Variants in SLC71A2 observed in about 807,000 individuals in gnomAD.
The protein encoded by SLC71A2 is solute carrier family 71 member 2.
At chr9:94,437,921 TTTTA>T in the SLC71A2 span, among the ~76,000 whole-genome samples, 1 of 148,426 alleles carries the variant, frequency 6.7e-6, no homozygotes. Context: ...TTGGTTATAA[TTTTA>T]TTTTAGATTT....
chr9:94,424,219 T>C, the SLC71A2 span, among the ~76,000 whole-genome samples: 3 of 151,636 alleles, frequency 2.0e-5, no homozygotes, highest in African/African-American at 7.3e-5. Context: ...TGTTAACTTC[T>C]ATAGTAATAT....
At chr9:94,400,976 C>G in the SLC71A2 span, among the ~76,000 whole-genome samples, 1 of 152,184 alleles carries the variant, frequency 6.6e-6, no homozygotes, top group African/African-American at 2.4e-5. Flanking sequence ...GCCTTTCAGA[C>G]TTGCTTCTTT....
chr9:94,409,129 C>CTTTTTTTTTTT, the SLC71A2 span, among the ~76,000 whole-genome samples: 236 of 68,240 alleles, frequency 3.5e-3, 15 homozygotes, highest in African/African-American at 0.016. Context: ...GCCCGGCCTC[C>CTTTTTTTTTTT]TTTTTTTTTT....
At chr9:94,436,816 T>C in the SLC71A2 span, among the ~76,000 whole-genome samples, 5 of 152,238 alleles carry the variant, frequency 3.3e-5, no homozygotes, top group Non-Finnish European at 7.3e-5. Flanking sequence ...TAAGTTGATT[T>C]TCTCTGAAAA....
chr9:94,455,317 C>T, the SLC71A2 span, among the ~76,000 whole-genome samples: 36 of 150,552 alleles, frequency 2.4e-4, no homozygotes, highest in South Asian at 1.7e-3. Context: ...TATGTACACG[C>T]ACCACCACGC....
At chr9:94,388,486 A>G in the SLC71A2 span, among the ~76,000 whole-genome samples, 1 of 152,260 alleles carries the variant, frequency 6.6e-6, no homozygotes, top group Admixed American at 6.5e-5. Context: ...GTATATATTC[A>G]TGAAAGATTG....
the SLC71A2 span, chr9:94,445,022 C>T: frequency 6.2e-7 from 1 of 1,614,086 alleles, no homozygotes. Context: ...GCATATCTTT[C>T]TGCCAGTTAC....
At chr9:94,392,369 C>T in the SLC71A2 span, among the ~76,000 whole-genome samples, 3 of 151,370 alleles carry the variant, frequency 2.0e-5, no homozygotes, top group African/African-American at 7.3e-5. Flanking sequence ...GTGGCTCCAC[C>T]CTGACTTCTC....
At chr9:94,395,371 T>G in the SLC71A2 span, among the ~76,000 whole-genome samples, 1 of 151,976 alleles carries the variant, frequency 6.6e-6, no homozygotes, top group East Asian at 1.9e-4. Flanking sequence ...CTTGAATATT[T>G]CATTTTAAAT....
At chr9:94,455,880 A>G in the SLC71A2 span, among the ~76,000 whole-genome samples, 23 of 152,154 alleles carry the variant, frequency 1.5e-4, no homozygotes, top group African/African-American at 5.6e-4. Flanking sequence ...GAAAAAATGA[A>G]AGGTCAGTGG....
At chr9:94,391,218 AAG>A in the SLC71A2 span, among the ~76,000 whole-genome samples, 20 of 151,174 alleles carry the variant, frequency 1.3e-4, no homozygotes, top group African/African-American at 4.6e-4. Flanking sequence ...AAAAAAAAAA[AAG>A]AGGCTGAGCT....
chr9:94,450,731 C>T, the SLC71A2 span, among the ~76,000 whole-genome samples: 4 of 152,038 alleles, frequency 2.6e-5, no homozygotes, highest in African/African-American at 4.8e-5. Flanking sequence ...CCTGATGATC[C>T]GCCTGCCTTG....
At chr9:94,440,679 T>G in the SLC71A2 span, among the ~76,000 whole-genome samples, 1 of 151,910 alleles carries the variant, frequency 6.6e-6, no homozygotes, top group Non-Finnish European at 1.5e-5. Context: ...ATTTGAGAAG[T>G]TTTTTTTCTG....
At chr9:94,378,499 A>C in the SLC71A2 span, among the ~76,000 whole-genome samples, 1 of 151,846 alleles carries the variant, frequency 6.6e-6, no homozygotes, top group Non-Finnish European at 1.5e-5. Context: ...GTGATGGTGC[A>C]TACCTGTAGT....
chr9:94,386,595 C>G, the SLC71A2 span, among the ~76,000 whole-genome samples: 1 of 152,192 alleles, frequency 6.6e-6, no homozygotes, highest in Admixed American at 6.5e-5. Flanking sequence ...CTCTCTCTCT[C>G]TCTTCCCTCC....
chr9:94,451,363 A>G, the SLC71A2 span: 1 of 613,994 alleles, frequency 1.6e-6, no homozygotes. Context: ...GGTTTTATGA[A>G]TTTTCCTAGA....
chr9:94,378,576 C>G, the SLC71A2 span, among the ~76,000 whole-genome samples: 1 of 152,046 alleles, frequency 6.6e-6, no homozygotes, highest in Non-Finnish European at 1.5e-5. Context: ...GCACTCCACC[C>G]TGGGTGACAG....
the SLC71A2 span, among the ~76,000 whole-genome samples, chr9:94,407,336 G>A: frequency 1.3e-5 from 2 of 151,526 alleles, no homozygotes; most frequent in African/African-American, 4.8e-5. Flanking sequence ...ATTTTGTTGA[G>A]GATTTTTGCA....
chr9:94,388,351 G>T, the SLC71A2 span, among the ~76,000 whole-genome samples: 1 of 152,068 alleles, frequency 6.6e-6, no homozygotes, highest in Non-Finnish European at 1.5e-5. Context: ...ATGGAGGCCA[G>T]TTAATGTACA....
Sources: gnomAD v4.1 joint callset for allele counts (sites outside exome capture counted in the v4.1 genomes callset) on GRCh38, gnomAD v4.1.1 for gene constraint, MANE v1.5 for transcripts, NCBI Gene and HGNC (gene_info 2026-07-23, HGNC 2026-07-21) for gene names.